KCND2: variants seen among roughly 807,000 people sequenced by gnomAD.
KCND2 encodes the protein potassium voltage-gated channel subfamily D member 2.
In KCND2, 16 loss-of-function variants were observed where a neutral mutation model predicts 54.4. The ratio of observed to expected loss-of-function variants is 0.29; its 90% CI spans 0.20 to 0.45. The LOEUF (loss-of-function observed/expected upper bound fraction) is 0.45. Ranked by LOEUF, KCND2 falls within the 20% of genes least tolerant of loss-of-function variation. The pLI is 1.00. For missense variants in KCND2, 486 were observed against 824.2 expected (o/e 0.59, Z 5.02); for synonymous variants, 317 against 310.7 (o/e 1.02, Z -0.21).
intron 1 of KCND2, among the ~76,000 whole-genome samples, chr7:120,511,268 G>C (rs957653114): frequency 6.6e-6 from 1 of 151,774 alleles, no homozygotes; most frequent in Non-Finnish European, 1.5e-5. Context: ...CTACCCACAC[G>C]AATTCTTATT....
At chr7:120,535,840 T>A (rs917702315) in intron 1 of KCND2, among the ~76,000 whole-genome samples, 1 of 152,166 alleles carries the variant, frequency 6.6e-6, no homozygotes, top group Non-Finnish European at 1.5e-5. Context: ...AGATAGGCCA[T>A]GATGCTCAGA....
chr7:120,371,286 T>G (rs1563024727), intron 1 of KCND2, among the ~76,000 whole-genome samples: 1 of 152,066 alleles, frequency 6.6e-6, no homozygotes, highest in Non-Finnish European at 1.5e-5. Context: ...GAGTAGATTC[T>G]GATCTACCAC....
chr7:120,483,453 A>T (rs372807431), intron 1 of KCND2, among the ~76,000 whole-genome samples: 1 of 152,288 alleles, frequency 6.6e-6, no homozygotes, highest in East Asian at 1.9e-4. Context: ...CATGGAAGTG[A>T]TAGGTAAAAC....
chr7:120,633,986 G>A (rs1793271325), intron 1 of KCND2, among the ~76,000 whole-genome samples: 1 of 152,170 alleles, frequency 6.6e-6, no homozygotes, highest in South Asian at 2.1e-4. Flanking sequence ...AACAAATTTT[G>A]TCAAACATAT....
rs1470842444 is a variant in KCND2 at position 120,394,452 on chromosome 7, T to C, written c.1115+118705T>C. Among the ~76,000 whole-genome samples the C allele has an allele frequency of 3.9e-5, 6 of 151,978 alleles. No homozygotes were observed. In the East Asian group the frequency reaches 7.8e-4, roughly 20 times the overall value. On this transcript the variant is annotated intron_variant, in intron 1 of 5. Transcript: ENST00000331113. ...ATAGTGATGTTACCTATAGGAGCAA[T>C]TGGGGAACTCACGAATCTTGTGACC... is the stretch of plus-strand genomic sequence containing the variant.
In KCND2 at chr7:120,528,288, G is replaced by A. The variant is rs756011033; in HGVS notation, c.1116-204615G>A. 5.8e-4 allele frequency among the ~76,000 whole-genome samples: 88 copies of A among 152,002 alleles called. 1 individual carries two copies. The highest frequency in any genetic ancestry group is 1.0e-3 in the Non-Finnish European group (70 of 67,934). ...AATTTTAAAATTTTCTTAGCTGTGC[G>A]GAATGATTTAGCGTTTAGAATGGGA... On this transcript the variant is annotated intron_variant, in intron 1 of 5. Coordinates refer to ENST00000331113, the MANE Select transcript of KCND2 (RefSeq NM_012281.3).
chr7:120,745,729 T>C, intron 4 of KCND2, 51 bp from the exon 5 acceptor site: 1 of 1,608,256 alleles, frequency 6.2e-7, no homozygotes, highest in Non-Finnish European at 8.5e-7. Flanking sequence ...TGTATTTCGT[T>C]TTTAAAAATG....
chr7:120,536,249 AT>A (rs1455687612), intron 1 of KCND2, among the ~76,000 whole-genome samples: 1 of 152,164 alleles, frequency 6.6e-6, no homozygotes, highest in East Asian at 1.9e-4. Context: ...AATTAAAAAA[AT>A]ATATATTGCT....
chr7:120,366,805 G>C (rs898241840), intron 1 of KCND2, among the ~76,000 whole-genome samples: 2 of 152,012 alleles, frequency 1.3e-5, no homozygotes, highest in African/African-American at 4.8e-5. Flanking sequence ...TCTAAAATCC[G>C]AATCTCTGTC....
intron 1 of KCND2, among the ~76,000 whole-genome samples, chr7:120,476,524 C>T (rs1044846785): frequency 2.0e-5 from 3 of 152,194 alleles, no homozygotes; most frequent in East Asian, 3.8e-4. Flanking sequence ...TAACTAGCCA[C>T]ACTAGTCATT....
intron 1 of KCND2, among the ~76,000 whole-genome samples, chr7:120,311,320 C>G (rs1293086439): frequency 2.6e-5 from 4 of 151,988 alleles, no homozygotes; most frequent in African/African-American, 9.7e-5. Flanking sequence ...ATCCAAATTG[C>G]CTTTGTTATA....
intron 1 of KCND2, among the ~76,000 whole-genome samples, chr7:120,681,075 G>A (rs1255904893): frequency 6.6e-6 from 1 of 152,060 alleles, no homozygotes; most frequent in Non-Finnish European, 1.5e-5. Flanking sequence ...TTATTCACAT[G>A]TAGTGTATCT....
intron 1 of KCND2, among the ~76,000 whole-genome samples, chr7:120,726,455 C>T (rs1461577347): frequency 6.6e-6 from 1 of 152,112 alleles, no homozygotes; most frequent in Non-Finnish European, 1.5e-5. Context: ...TACTCAGACC[C>T]TAAGGGGTAG....
intron 1 of KCND2, among the ~76,000 whole-genome samples, chr7:120,669,288 T>C (rs1791963255): frequency 6.6e-6 from 1 of 152,072 alleles, no homozygotes; most frequent in Non-Finnish European, 1.5e-5. Flanking sequence ...CCCATGTCCT[T>C]CTCCAAGTTC....
At chr7:120,678,201 A>G (rs1319635940) in intron 1 of KCND2, among the ~76,000 whole-genome samples, 3 of 151,748 alleles carry the variant, frequency 2.0e-5, no homozygotes, top group Admixed American at 6.6e-5. Context: ...GACCTTAGCA[A>G]GAACATCGCT....
At chr7:120,428,085 T>C (rs1415056051) in intron 1 of KCND2, among the ~76,000 whole-genome samples, 4 of 152,234 alleles carry the variant, frequency 2.6e-5, no homozygotes, top group Non-Finnish European at 4.4e-5. Flanking sequence ...TTAATTTGAA[T>C]ATTATAATCA....
At chr7:120,335,817 T>C (rs1800143845) in intron 1 of KCND2, among the ~76,000 whole-genome samples, 1 of 152,192 alleles carries the variant, frequency 6.6e-6, no homozygotes, top group Non-Finnish European at 1.5e-5. Flanking sequence ...TTCTTCCTTT[T>C]CTTCCCTGGC....
chr7:120,624,866 A>G (rs1793146106), intron 1 of KCND2, among the ~76,000 whole-genome samples: 1 of 152,198 alleles, frequency 6.6e-6, no homozygotes, highest in Non-Finnish European at 1.5e-5. Context: ...AAAAACAGAA[A>G]TGACATTTTC....
intron 1 of KCND2, among the ~76,000 whole-genome samples, chr7:120,595,250 G>A (rs1432627188): frequency 1.5e-4 from 23 of 151,316 alleles, no homozygotes; most frequent in East Asian, 3.9e-4. Context: ...TCAGGAGTTC[G>A]AGACCAGCCT....
Sources: allele counts gnomAD v4.1 joint callset (sites outside exome capture counted in the v4.1 genomes callset), GRCh38; gene constraint gnomAD v4.1.1; transcripts MANE v1.5; gene names NCBI Gene and HGNC (gene_info 2026-07-23, HGNC 2026-07-21).